MED1: variants seen among roughly 807,000 people sequenced by gnomAD.
MED1 encodes mediator complex subunit 1.
In MED1, 17 loss-of-function variants were observed where a neutral mutation model predicts 121.3. The ratio of observed to expected loss-of-function variants is 0.14; its 90% CI spans 0.10 to 0.21. The LOEUF (loss-of-function observed/expected upper bound fraction) is 0.21, where lower values mean the gene tolerates loss of function less well. Ranked by LOEUF, MED1 falls within the 10% of genes least tolerant of loss-of-function variation. The probability of loss-of-function intolerance (pLI) is 1.00; values close to 1 mark genes in which losing one functional copy is unlikely to be tolerated. For synonymous variants in MED1, 661 were observed against 694.4 expected, an observed-to-expected ratio of 0.95 and a Z score of 0.76; for missense variants, 1,558 against 1,919.4, an observed-to-expected ratio of 0.81 and a Z score of 3.52.
At chr17:39,448,238 T>C (rs2048747247) in intron 1 of MED1, among the ~76,000 whole-genome samples, 2 of 150,542 alleles carry the variant, frequency 1.3e-5, no homozygotes, top group African/African-American at 2.4e-5. Flanking sequence ...GATGTGGTGG[T>C]GCATGCCTGT....
At chr17:39,429,024 TAA>T (rs965157171) in intron 9 of MED1, among the ~76,000 whole-genome samples, 2 of 141,502 alleles carry the variant, frequency 1.4e-5, no homozygotes, top group Non-Finnish European at 1.6e-5. Flanking sequence ...ACAATTGATT[TAA>T]AAAAAAAAAA....
Position 39,408,453 on chromosome 17 carries a change from G to C in MED1, c.3768C>G (p.Ser1256=). 2 of 1,614,120 alleles carry C rather than the reference G, an allele frequency of 1.2e-6. No homozygotes were observed. The highest frequency in any genetic ancestry group is 1.7e-6 in the Non-Finnish European group (2 of 1,180,018). The change falls in exon 17 of 17, where the codon TCC becomes TCG. Residue 1256 remains serine (S), a synonymous_variant. Coordinates refer to ENST00000300651, the MANE Select transcript of MED1 (RefSeq NM_004774.4). The surrounding 1 kb of genome is among the most constrained non-coding windows in gnomAD (Gnocchi z 4.7). The part of the protein sequence containing the change: ...SSGLGSSGSL[S]QKTPPSSNSC... ...AATTAGATGATGGGGGAGTTTTCTG[G>C]GACAACGAGCCTGAGGATCCTAACC...
intron 11 of MED1, 41 bp from the exon 12 acceptor site, chr17:39,423,862 A>T (rs777412232): frequency 6.4e-7 from 1 of 1,558,584 alleles, no homozygotes; most frequent in East Asian, 2.3e-5. Context: ...TTCTGACTTG[A>T]TATAAAAATG....
Position 39,409,936 on chromosome 17 carries a change from C to T in MED1, c.2285G>A (p.Ser762Asn). The T allele has an allele frequency of 6.8e-6, 11 of 1,614,020 alleles. No individual in the cohort carries two copies. The highest frequency in any genetic ancestry group is 8.5e-6 in the Non-Finnish European group (10 of 1,179,998). ...GGATAGTCGGACCATCCTTTGAATACTGGGTTGGGGGTGAGGTACTGGTTG... is the reference window on the plus strand; with the variant it reads ...GGATAGTCGGACCATCCTTTGAATATTGGGTTGGGGGTGAGGTACTGGTTG... ...YPQPVPHPQP[S>N]IQRMVRLSSS... Residue 762 changes from serine to asparagine, a missense_variant, in exon 17 of 17, where the codon AGT (serine) becomes AAT (asparagine). Ser to Asn is a conservative substitution (Grantham distance 46). This residue lies in a region of MED1 where 793 missense variants were observed against 898.2 expected (regional missense o/e 0.88). Transcript: ENST00000300651.
At chr17:39,417,858 C>T (rs1411703389) in intron 14 of MED1, among the ~76,000 whole-genome samples, 1 of 151,232 alleles carries the variant, frequency 6.6e-6, no homozygotes, top group African/African-American at 2.4e-5. Context: ...CCATGGCTCA[C>T]GCCTGTAATC....
chr17:39,414,900 C>A, intron 16 of MED1, 126 bp downstream of exon 16: 1 of 765,406 alleles, frequency 1.3e-6, no homozygotes, highest in South Asian at 1.5e-5. Context: ...AATCTTCTGA[C>A]CTCGTGATCC....
rs372089889 is a variant in MED1 at position 39,432,555 on chromosome 17, C to T, written c.501-539G>A. 1.8e-4 allele frequency among the ~76,000 whole-genome samples: 27 copies of T among 151,164 alleles called. No individual in the cohort carries two copies. In the South Asian group the frequency reaches 5.4e-3, roughly 30 times the overall value. Reference sequence around the variant, plus strand: ...CTGAGCTCAGGAGTTTGAGACCAGCCTGGGCAACACGGTGAAACCCCGTCT... The same window carrying T: ...CTGAGCTCAGGAGTTTGAGACCAGCTTGGGCAACACGGTGAAACCCCGTCT... On this transcript the variant is annotated intron_variant, in intron 7 of 16. Coordinates refer to ENST00000300651, the MANE Select transcript of MED1 (RefSeq NM_004774.4).
chr17:39,442,669 G>A (rs559232698), intron 3 of MED1, among the ~76,000 whole-genome samples: 5 of 150,728 alleles, frequency 3.3e-5, no homozygotes, highest in South Asian at 2.1e-4. Flanking sequence ...AACTTTGGGA[G>A]GCCAAGGTGG....
intron 14 of MED1, among the ~76,000 whole-genome samples, chr17:39,419,410 A>AT (rs375129052): frequency 0.046 from 6,509 of 142,018 alleles, 290 homozygotes; most frequent in African/African-American, 0.11. Flanking sequence ...ACATGTTTGA[A>AT]TTTTTTTTTT....
At chr17:39,446,449 C>CAAAA (rs71300068) in intron 2 of MED1, among the ~76,000 whole-genome samples, 5 of 61,920 alleles carry the variant, frequency 8.1e-5, no homozygotes, top group Admixed American at 2.0e-4. Flanking sequence ...CACTCCATCT[C>CAAAA]AAAAAAAAAA....
chr17:39,428,486 A>T (rs935007327), intron 9 of MED1, among the ~76,000 whole-genome samples: 4 of 151,816 alleles, frequency 2.6e-5, no homozygotes, highest in Non-Finnish European at 4.4e-5. Flanking sequence ...TCCGTCTCAA[A>T]AATAATAATA....
At chr17:39,424,979 A>C (rs777858405) in intron 10 of MED1, among the ~76,000 whole-genome samples, 2 of 152,064 alleles carry the variant, frequency 1.3e-5, no homozygotes, top group Non-Finnish European at 2.9e-5. Context: ...TCCTGGGTTC[A>C]CACCATTCTC....
intron 13 of MED1, among the ~76,000 whole-genome samples, chr17:39,421,043 G>A (rs1372865918): frequency 2.6e-5 from 4 of 151,038 alleles, no homozygotes; most frequent in East Asian, 4.0e-4. Context: ...TGATCTGCCC[G>A]CCTCGGCCTC....
At chr17:39,417,469 A>G (rs185831866) in intron 14 of MED1, among the ~76,000 whole-genome samples, 140 of 152,042 alleles carry the variant, frequency 9.2e-4, no homozygotes, top group African/African-American at 3.1e-3. Flanking sequence ...TCTACTAAAA[A>G]TACAAAAAAA....
rs1406644797 is a variant in MED1 at position 39,427,057 on chromosome 17, A to T, written c.739+644T>A. Reference sequence around the variant, plus strand: ...CGCCCAAACCTCCCAAGTAGCTAGGACTACAGGCATAAACTACCAGGCCCA... The same window carrying T: ...CGCCCAAACCTCCCAAGTAGCTAGGTCTACAGGCATAAACTACCAGGCCCA... On this transcript the variant is annotated intron_variant, in intron 10 of 16. Coordinates refer to ENST00000300651, the MANE Select transcript of MED1 (RefSeq NM_004774.4). 2.6e-5 allele frequency among the ~76,000 whole-genome samples: 4 copies of T among 152,150 alleles called. No individual in the cohort carries two copies. The East Asian group carries it at 7.7e-4, about 29-fold the overall frequency.
In MED1 at chr17:39,408,923, G is replaced by A; in HGVS notation, c.3298C>T (p.His1100Tyr). Reference sequence around the variant, plus strand: ...GCAGATGAGGAAGAGGAGGAAGAATGGCTATGGTGGCTTTTGCTGCCTGAG... The same window carrying A: ...GCAGATGAGGAAGAGGAGGAAGAATAGCTATGGTGGCTTTTGCTGCCTGAG... ...SSSGSKSHHS[H>Y]SSSSSSSAST... The change falls in exon 17 of 17, where the codon CAT becomes TAT. Residue 1100 changes from histidine to tyrosine, a missense_variant. Physicochemically the swap from His to Tyr is moderately conservative, Grantham distance 83. This residue lies in a region of MED1 where 793 missense variants were observed against 898.2 expected (regional missense o/e 0.88). Transcript: ENST00000300651. The surrounding 1 kb of genome is among the most constrained non-coding windows in gnomAD (Gnocchi z 4.7). 1.2e-6 allele frequency: 2 copies of A among 1,614,158 alleles called. No individual in the cohort carries two copies. The highest frequency in any genetic ancestry group is 2.2e-5 in the South Asian group (2 of 91,082).
Position 39,439,175 on chromosome 17 carries a change from G to T in MED1, c.418C>A (p.Gln140Lys), listed in dbSNP as rs781257883. The change falls in exon 6 of 17, where the codon CAG (glutamine) becomes AAG (lysine). Residue 140 changes from glutamine (Q) to lysine (K), a missense_variant. Coordinates refer to ENST00000300651, the MANE Select transcript of MED1 (RefSeq NM_004774.4). ...ATCGTATTTGCTCACCTTAGCTGCT[G>T]TACAAGCTCCGGACAGCTCTGAAAT... Reference protein sequence around the residue: ...ENPVSCPELVQQLREKNFDEF... With the variant: ...ENPVSCPELVKQLREKNFDEF... The T allele has an allele frequency of 1.3e-6, 2 of 1,595,082 alleles. No homozygotes were observed. The highest frequency in any genetic ancestry group is 4.5e-5 in the East Asian group (2 of 44,264).
intron 3 of MED1, among the ~76,000 whole-genome samples, chr17:39,442,780 C>G (rs772420237): frequency 6.7e-6 from 1 of 150,356 alleles, no homozygotes; most frequent in Non-Finnish European, 1.5e-5. Context: ...TGGCACATGC[C>G]TGTAATCCCA....
rs375300269 is a variant in MED1, at chr17:39,410,319, C to A, written c.1902G>T (p.Ser634=). 1 of 1,613,716 alleles carries A rather than the reference C, an allele frequency of 6.2e-7. No individual in the cohort carries two copies. Among genetic ancestry groups the A allele is most frequent in the Non-Finnish European group, 8.5e-7 (1 of 1,179,948 alleles). The change falls in exon 17 of 17, where the codon TCG becomes TCT. Residue 634 remains serine (S), a synonymous_variant. Transcript: ENST00000300651. ...PPHHTPPPVS[S]MAGNTKNHPM... ...GGTGGTTCTTGGTGTTGCCGGCCAT[C>A]GAAGAGACAGGTGGCGGCGTGTGAT...
Sources: allele counts gnomAD v4.1 joint callset (sites outside exome capture counted in the v4.1 genomes callset), GRCh38; gene constraint gnomAD v4.1.1; regional missense constraint gnomAD v4.1.1; non-coding constraint Gnocchi (gnomAD v3.1); transcripts MANE v1.5; gene names NCBI Gene and HGNC (gene_info 2026-07-23, HGNC 2026-07-21).